ROS1: variants seen among roughly 807,000 people sequenced by gnomAD.
ROS1 encodes proto-oncogene tyrosine-protein kinase ROS.
Under a neutral mutation model 273.5 loss-of-function variants are expected in ROS1, and 263 were observed. That is an observed-to-expected ratio of 0.96 (90% CI 0.87 to 1.06). The LOEUF (loss-of-function observed/expected upper bound fraction) is 1.06. Among genes scored for constraint, ROS1 ranks in the 50% least tolerant of loss-of-function variants. ROS1 has a pLI of 0.00. For synonymous variants in ROS1, 1,008 were observed against 954.1 expected (o/e 1.06, Z -1.04); for missense variants, 2,833 against 2,751.1 (o/e 1.03, Z -0.67).
intron 26 of ROS1, among the ~76,000 whole-genome samples, chr6:117,356,034 C>T (rs1216459197): frequency 1.3e-5 from 2 of 152,184 alleles, no homozygotes; most frequent in Non-Finnish European, 2.9e-5. Context: ...TGTTGAATTA[C>T]TCCTAATTAG....
chr6:117,367,336 T>C (rs1157713392), intron 18 of ROS1, among the ~76,000 whole-genome samples: 1 of 152,170 alleles, frequency 6.6e-6, no homozygotes, highest in Admixed American at 6.5e-5. Flanking sequence ...TCCAAGCATT[T>C]ATCCAGAATT....
At chr6:117,424,320 A>G (rs1339452683) in intron 1 of ROS1, among the ~76,000 whole-genome samples, 3 of 122,154 alleles carry the variant, frequency 2.5e-5, no homozygotes, top group African/African-American at 5.7e-5. Context: ...ATATGTATAC[A>G]TATATATATA....
intron 7 of ROS1, among the ~76,000 whole-genome samples, chr6:117,402,888 CA>C (rs10617636): frequency 0.03 from 3,359 of 113,668 alleles, 57 homozygotes; most frequent in African/African-American, 0.07. Flanking sequence ...ACTCTGTCTC[CA>C]AAAAAAAAAA....
intron 18 of ROS1, among the ~76,000 whole-genome samples, chr6:117,369,598 G>A (rs553882007): frequency 2.0e-5 from 3 of 152,178 alleles, no homozygotes; most frequent in East Asian, 3.9e-4. Flanking sequence ...CAGCTCTCTG[G>A]CATATACAGA....
chr6:117,400,367 C>T (rs1773840888), intron 7 of ROS1, among the ~76,000 whole-genome samples: 1 of 152,178 alleles, frequency 6.6e-6, no homozygotes, highest in South Asian at 2.1e-4. Flanking sequence ...ATCTCTTCTA[C>T]AAGGGAGTAA....
chr6:117,293,821 CA>C lies in ROS1; in HGVS notation c.6716-5020del, dbSNP rs547218971. Among the ~76,000 whole-genome samples the C allele has an allele frequency of 1.8e-4, 27 of 152,122 alleles. No homozygotes were observed. The South Asian group carries it at 5.2e-3, about 29-fold the overall frequency. ...CACAAAGAATTTGAGCCTTATCTGT[CA>C]AAAAATTTGAGCCTTATTTGTTGCT... On this transcript the variant is annotated intron_variant, in intron 43 of 43. Coordinates refer to ENST00000368507, the MANE Select transcript of ROS1 (RefSeq NM_001378902.1).
intron 1 of ROS1, among the ~76,000 whole-genome samples, chr6:117,425,131 T>C (rs1187818078): frequency 6.6e-6 from 1 of 152,222 alleles, no homozygotes; most frequent in Non-Finnish European, 1.5e-5. Context: ...TCCTTTTTCA[T>C]CCAGCTCCCT....
intron 40 of ROS1, among the ~76,000 whole-genome samples, chr6:117,310,591 G>C (rs1363352904): frequency 1.3e-5 from 2 of 151,872 alleles, no homozygotes; most frequent in Non-Finnish European, 2.9e-5. Flanking sequence ...CCCTCCCTGT[G>C]TCCATGTGTT....
At chr6:117,338,040 T>C (rs1777604961) in intron 31 of ROS1, among the ~76,000 whole-genome samples, 1 of 152,134 alleles carries the variant, frequency 6.6e-6, no homozygotes, top group East Asian at 1.9e-4. Flanking sequence ...CTCTGTGACA[T>C]TGCTTTCTAA....
chr6:117,387,638 ATG>A (rs1772691368), intron 14 of ROS1, 140 bp downstream of exon 14: 2 of 733,024 alleles, frequency 2.7e-6, no homozygotes, highest in African/African-American at 3.5e-5. Context: ...TGTACTCAAT[ATG>A]TGTTTACTCA....
At chr6:117,343,507 ATAGT>A (rs562934552) in intron 28 of ROS1, among the ~76,000 whole-genome samples, 104 of 152,342 alleles carry the variant, frequency 6.8e-4, no homozygotes, top group East Asian at 1.4e-3. Flanking sequence ...CATTCAAGAA[ATAGT>A]TAGTGAATGC....
chr6:117,321,153 G>C (rs2128562740), intron 36 of ROS1, 106 bp downstream of exon 36: 1 of 1,181,516 alleles, frequency 8.5e-7, no homozygotes, highest in Non-Finnish European at 1.1e-6. Flanking sequence ...CAGAAAAACT[G>C]GTATAAACCA....
chr6:117,309,088 A>G (rs1031599203), intron 41 of ROS1, among the ~76,000 whole-genome samples, 160 bp from the exon 42 acceptor site: 12 of 152,206 alleles, frequency 7.9e-5, no homozygotes, highest in African/African-American at 2.9e-4. Flanking sequence ...GCAGGCTGAC[A>G]AGAAAAAGTA....
At position 117,319,977 on chromosome 6, in the gene ROS1, T is replaced by A. The variant is rs2128559020; in HGVS notation, c.5813A>T (p.Lys1938Ile). The change falls in exon 37 of 44, where the codon AAA (lysine) becomes ATA (isoleucine). Residue 1938 changes from lysine to isoleucine, a missense_variant. Coordinates refer to ENST00000368507, the MANE Select transcript of ROS1 (RefSeq NM_001378902.1). ...TCCCAGCAAGAGACGCAGAGTCAGT[T>A]TTTCCCGAGGGAAGGCAGGAAGATT... The part of the protein sequence containing the change: ...IENLPAFPRE[K>I]LTLRLLLGSG... The A allele has an allele frequency of 6.2e-7, 1 of 1,613,412 alleles. No individual in the cohort carries two copies. The highest frequency in any genetic ancestry group is 8.5e-7 in the Non-Finnish European group (1 of 1,179,606).
At chr6:117,391,457 G>C (rs1745752656) in intron 12 of ROS1, among the ~76,000 whole-genome samples, 1 of 152,132 alleles carries the variant, frequency 6.6e-6, no homozygotes, top group Admixed American at 6.6e-5. Context: ...AGCTGGGGTG[G>C]AAGAAGATGG....
intron 1 of ROS1, among the ~76,000 whole-genome samples, chr6:117,423,578 A>T (rs976727678): frequency 2.0e-5 from 3 of 152,234 alleles, no homozygotes; most frequent in African/African-American, 7.2e-5. Context: ...TAGTACATGC[A>T]GATCTCTGTT....
chr6:117,389,851 C>T lies in ROS1; in HGVS notation c.1290-5G>A. On this transcript the variant is annotated splice_polypyrimidine_tract_variant and splice_region_variant and intron_variant, in intron 12 of 43. Transcript: ENST00000368507. ...CTCAGGAGGTAAAAGACATACCTGA[C>T]ACAGGAACAAAAGAAACCTCATGAG... The T allele has an allele frequency of 6.3e-7, 1 of 1,596,546 alleles. No individual in the cohort carries two copies. The highest frequency in any genetic ancestry group is 8.6e-7 in the Non-Finnish European group (1 of 1,168,072).
At chr6:117,376,475 A>C (rs1781338840) in intron 18 of ROS1, among the ~76,000 whole-genome samples, 1 of 152,140 alleles carries the variant, frequency 6.6e-6, no homozygotes, top group Non-Finnish European at 1.5e-5. Context: ...AATTGAGGAG[A>C]GAATGCTTCC....
At chr6:117,347,915 TCC>T (rs898046896) in intron 27 of ROS1, among the ~76,000 whole-genome samples, 3 of 152,056 alleles carry the variant, frequency 2.0e-5, no homozygotes, top group African/African-American at 7.2e-5. Context: ...CTGGGATAAA[TCC>T]CACTTGACTG....
Sources: allele counts gnomAD v4.1 joint callset (sites outside exome capture counted in the v4.1 genomes callset), GRCh38; gene constraint gnomAD v4.1.1; transcripts MANE v1.5; gene names NCBI Gene and HGNC (gene_info 2026-07-23, HGNC 2026-07-21).